Variants in TENM2 observed in about 807,000 individuals in gnomAD.
TENM2 encodes the protein teneurin transmembrane protein 2, also known as teneurin-2.
TENM2 carries 52 observed loss-of-function variants against 245.2 expected under a neutral mutation model. The observed-to-expected ratio is 0.21, with a 90% CI of 0.17 to 0.27. The LOEUF (loss-of-function observed/expected upper bound fraction) is 0.27, where lower values mean the gene tolerates loss of function less well. Among genes scored for constraint, TENM2 ranks in the 10% least tolerant of loss-of-function variants. The pLI, the probability that TENM2 is intolerant of heterozygous loss-of-function variation, is 1.00. For synonymous variants in TENM2, 1,363 were observed against 1,438.9 expected (o/e 0.95, Z 1.19); for missense variants, 3,046 against 3,666.8 (o/e 0.83, Z 4.37).
At chr5:167,644,750 A>G (rs1327493798) in intron 2 of TENM2, among the ~76,000 whole-genome samples, 1 of 152,192 alleles carries the variant, frequency 6.6e-6, no homozygotes, top group East Asian at 1.9e-4. Context: ...CAGGTTCTTA[A>G]CAATCATACT....
rs189002969 is a variant in TENM2 at position 168,017,430 on chromosome 5, T to C, written c.1186+24248T>C. On this transcript the variant is annotated intron_variant, in intron 5 of 28. Transcript: ENST00000518659. ...TGGCCAACTCGTTTGCATGGAGCTC[T>C]TCGTGACAGACCATTGAGAAGTGAC... Among the ~76,000 whole-genome samples the C allele has an allele frequency of 3.7e-3, 558 of 152,344 alleles. 4 individuals carry two copies. The highest frequency in any genetic ancestry group is 0.013 in the African/African-American group (530 of 41,580).
chr5:167,892,378 A>G lies in TENM2; in HGVS notation c.712+16183A>G, dbSNP rs73803263. On this transcript the variant is annotated intron_variant, in intron 3 of 28. Coordinates refer to ENST00000518659, the Ensembl canonical transcript of TENM2. Reference sequence around the variant, plus strand: ...TCAAATTAGGTCAGTCTTCTAAGAAACATTCCCATGTTACAATGCAACCAA... The same window carrying G: ...TCAAATTAGGTCAGTCTTCTAAGAAGCATTCCCATGTTACAATGCAACCAA... Among the ~76,000 whole-genome samples the G allele has an allele frequency of 1.6e-3, 245 of 152,296 alleles. 1 individual carries two copies. Among genetic ancestry groups the G allele is most frequent in the African/African-American group, 5.6e-3 (232 of 41,566 alleles).
the TENM2 span, among the ~76,000 whole-genome samples, chr5:167,053,168 C>G: frequency 6.6e-6 from 1 of 152,112 alleles, no homozygotes; most frequent in Non-Finnish European, 1.5e-5. Context: ...TTAACTTTTT[C>G]CCAGACTGAA....
At chr5:167,881,972 T>A (rs904853868) in intron 3 of TENM2, among the ~76,000 whole-genome samples, 15 of 152,174 alleles carry the variant, frequency 9.9e-5, no homozygotes, top group African/African-American at 3.4e-4. Flanking sequence ...ATTTTCTAGA[T>A]GACAAAACCA....
intron 12 of TENM2, among the ~76,000 whole-genome samples, chr5:168,139,710 A>T (rs917836654): frequency 1.3e-5 from 2 of 152,170 alleles, no homozygotes; most frequent in Non-Finnish European, 1.5e-5. Context: ...GGCGAGAATG[A>T]CGTAAAGTGG....
intron 28 of TENM2, among the ~76,000 whole-genome samples, chr5:168,261,117 T>C (rs535580925): frequency 6.6e-6 from 1 of 152,276 alleles, no homozygotes; most frequent in East Asian, 1.9e-4. Flanking sequence ...GTCCTGCCCC[T>C]TGGGGACCAC....
chr5:167,061,505 G>A, the TENM2 span, among the ~76,000 whole-genome samples: 3 of 152,126 alleles, frequency 2.0e-5, no homozygotes, highest in Non-Finnish European at 4.4e-5. Flanking sequence ...TATGCTCAAG[G>A]GTTGATGAAA....
At chr5:167,498,531 T>C (rs899791951) in intron 2 of TENM2, among the ~76,000 whole-genome samples, 2 of 152,140 alleles carry the variant, frequency 1.3e-5, no homozygotes, top group African/African-American at 4.8e-5. Context: ...GCATCGACCC[T>C]GACCCTCTGG....
chr5:167,899,242 G>T (rs1347747032), intron 3 of TENM2, among the ~76,000 whole-genome samples: 2 of 152,140 alleles, frequency 1.3e-5, no homozygotes, highest in African/African-American at 4.8e-5. Flanking sequence ...AGGGGCAAGA[G>T]TTAGGAGAAG....
At chr5:168,176,081 A>G (rs1759331352) in intron 13 of TENM2, among the ~76,000 whole-genome samples, 1 of 152,196 alleles carries the variant, frequency 6.6e-6, no homozygotes, top group African/African-American at 2.4e-5. Flanking sequence ...CCTTAAGGCC[A>G]TGATTTCTTA....
At chr5:167,286,347 G>A (rs963136111) in intron 1 of TENM2, among the ~76,000 whole-genome samples, 2 of 152,074 alleles carry the variant, frequency 1.3e-5, no homozygotes, top group Non-Finnish European at 2.9e-5. Context: ...GAGAAAATGG[G>A]GGCAGAGGCT....
intron 5 of TENM2, among the ~76,000 whole-genome samples, chr5:168,004,693 G>T (rs1285821257): frequency 6.6e-6 from 1 of 152,140 alleles, no homozygotes; most frequent in Non-Finnish European, 1.5e-5. Flanking sequence ...TGCTTCCAAA[G>T]ATTTAATCTT....
the TENM2 span, among the ~76,000 whole-genome samples, chr5:167,043,871 T>C: frequency 6.6e-6 from 1 of 151,982 alleles, no homozygotes; most frequent in Non-Finnish European, 1.5e-5. Context: ...AATACAAAAA[T>C]TAGCTGGGTA....
the TENM2 span, among the ~76,000 whole-genome samples, chr5:167,168,659 T>C: frequency 1.3e-5 from 2 of 152,254 alleles, no homozygotes; most frequent in African/African-American, 4.8e-5. Context: ...ACTTTGCTTC[T>C]TTGTGTTCAG....
chr5:167,692,297 A>C (rs1259872662), intron 2 of TENM2, among the ~76,000 whole-genome samples: 1 of 152,158 alleles, frequency 6.6e-6, no homozygotes, highest in African/African-American at 2.4e-5. Context: ...AATTGCCCCC[A>C]TTCACTCTAA....
At chr5:167,196,601 A>C in the TENM2 span, among the ~76,000 whole-genome samples, 1 of 149,678 alleles carries the variant, frequency 6.7e-6, no homozygotes, top group African/African-American at 2.5e-5. Context: ...TACACATCTT[A>C]ACTGTAAAAT....
intron 2 of TENM2, among the ~76,000 whole-genome samples, chr5:167,595,365 C>A (rs1000254484): frequency 6.6e-6 from 1 of 151,964 alleles, no homozygotes; most frequent in Non-Finnish European, 1.5e-5. Flanking sequence ...AAGAGGAAAC[C>A]GAGGCCCAGA....
chr5:167,358,698 G>A (rs528950571), intron 1 of TENM2, among the ~76,000 whole-genome samples: 131 of 150,886 alleles, frequency 8.7e-4, no homozygotes, highest in Admixed American at 3.2e-3. Context: ...TCTGTATCTC[G>A]TATATCAGAC....
chr5:167,192,603 A>G, the TENM2 span, among the ~76,000 whole-genome samples: 3 of 152,078 alleles, frequency 2.0e-5, no homozygotes, highest in Non-Finnish European at 2.9e-5. Flanking sequence ...TATTGAATTC[A>G]AAGACTTCAA....
Sources: allele counts gnomAD v4.1 joint callset (sites outside exome capture counted in the v4.1 genomes callset), GRCh38; gene constraint gnomAD v4.1.1; transcripts MANE v1.5; gene names NCBI Gene and HGNC (gene_info 2026-07-23, HGNC 2026-07-21).